The following GLB1 variants were observed in gnomAD, a reference collection of about 807,000 sequenced individuals.
GLB1 encodes beta-galactosidase.
In GLB1, 56 loss-of-function variants were observed where a neutral mutation model predicts 74.0. That is an observed-to-expected ratio of 0.76 (90% CI 0.61 to 0.94). The LOEUF (loss-of-function observed/expected upper bound fraction) is 0.94. GLB1 is among the 40% of genes least tolerant of loss of function. The pLI is 0.00. For synonymous variants in GLB1, 323 were observed against 323.6 expected (o/e 1.00, Z 0.02); for missense variants, 787 against 845.5 (o/e 0.93, Z 0.86).
chr3:33,006,491 T>A (rs556972447), intron 15 of GLB1, among the ~76,000 whole-genome samples: 4 of 151,288 alleles, frequency 2.6e-5, no homozygotes, highest in Non-Finnish European at 5.9e-5. Context: ...ACCAACAAGG[T>A]TGGGGACCAC....
chr3:32,981,326 G>T, the GLB1 span, among the ~76,000 whole-genome samples: 4 of 149,906 alleles, frequency 2.7e-5, no homozygotes, highest in Non-Finnish European at 5.9e-5. Context: ...CTTGAACCCG[G>T]GAGGTGGAGG....
chr3:32,987,135 C>T, the GLB1 span, among the ~76,000 whole-genome samples: 1 of 152,166 alleles, frequency 6.6e-6, no homozygotes, highest in African/African-American at 2.4e-5. Context: ...CTAGTCCTCC[C>T]CTCCCACCAG....
chr3:32,985,041 G>C, the GLB1 span, among the ~76,000 whole-genome samples: 2 of 149,640 alleles, frequency 1.3e-5, no homozygotes, highest in Non-Finnish European at 3.0e-5. Context: ...GGAGGTTGAG[G>C]CTGCAGTGAG....
At chr3:33,086,156 T>C (rs905756969) in intron 1 of GLB1, among the ~76,000 whole-genome samples, 1 of 152,172 alleles carries the variant, frequency 6.6e-6, no homozygotes, top group Non-Finnish European at 1.5e-5. Flanking sequence ...GATGTAACAC[T>C]TTGATGAACT....
the GLB1 span, among the ~76,000 whole-genome samples, chr3:32,989,929 C>T: frequency 1.3e-5 from 2 of 152,204 alleles, no homozygotes; most frequent in Non-Finnish European, 2.9e-5. Flanking sequence ...AAAAATAACA[C>T]ATTAAAACCA....
intron 5 of GLB1, 115 bp downstream of exon 5, chr3:33,065,348 A>G (rs1286183695): frequency 8.8e-6 from 12 of 1,358,752 alleles, no homozygotes; most frequent in Non-Finnish European, 1.2e-5. Flanking sequence ...CTGTGGCATT[A>G]CCTCTTAAAG....
At chr3:33,077,351 C>G in intron 1 of GLB1, 1 of 1,467,486 alleles carries the variant, frequency 6.8e-7, no homozygotes, top group Non-Finnish European at 9.4e-7. Context: ...CTGTTGTGAA[C>G]GATAGGGATG....
chr3:33,075,570 C>T (rs1700074434), intron 1 of GLB1, among the ~76,000 whole-genome samples: 1 of 152,168 alleles, frequency 6.6e-6, no homozygotes, highest in Non-Finnish European at 1.5e-5. Context: ...GAGCTTCCAT[C>T]TAGCCTAGAA....
intron 15 of GLB1, 72 bp from the exon 16 acceptor site, chr3:32,997,416 T>G: frequency 1.3e-6 from 2 of 1,597,392 alleles, no homozygotes; most frequent in South Asian, 1.1e-5. Context: ...GGGGCCCTGA[T>G]GTAGGGCAGG....
At chr3:33,009,184 G>C (rs527660214) in intron 15 of GLB1, among the ~76,000 whole-genome samples, 1 of 148,368 alleles carries the variant, frequency 6.7e-6, no homozygotes, top group African/African-American at 2.4e-5. Flanking sequence ...CCTAGGCTTG[G>C]TAGAGGAAGA....
intron 15 of GLB1, 79 bp downstream of exon 15, chr3:33,013,977 G>A: frequency 6.2e-7 from 1 of 1,610,418 alleles, no homozygotes; most frequent in Non-Finnish European, 8.5e-7. Context: ...CTCACTAACA[G>A]CTCTTTGTGA....
chr3:33,085,166 T>A (rs1359963652), intron 1 of GLB1, among the ~76,000 whole-genome samples: 1 of 149,202 alleles, frequency 6.7e-6, no homozygotes, highest in African/African-American at 2.5e-5. Flanking sequence ...CCCAACTACT[T>A]GGGAGGCTGA....
At chr3:32,967,468 G>T in the GLB1 span, among the ~76,000 whole-genome samples, 1 of 152,228 alleles carries the variant, frequency 6.6e-6, no homozygotes, top group Non-Finnish European at 1.5e-5. Flanking sequence ...TAGGGAGGCT[G>T]AGGCAGGAGA....
the GLB1 span, among the ~76,000 whole-genome samples, chr3:32,973,342 T>C: frequency 6.7e-6 from 1 of 149,692 alleles, no homozygotes; most frequent in Non-Finnish European, 1.5e-5. Context: ...CATAATTGCA[T>C]TTTTTTTTTG....
At chr3:32,999,088 G>A (rs1696437226) in intron 15 of GLB1, among the ~76,000 whole-genome samples, 1 of 152,184 alleles carries the variant, frequency 6.6e-6, no homozygotes, top group African/African-American at 2.4e-5. Flanking sequence ...AGATGTTGGT[G>A]TTCCAATGCC....
At chr3:32,971,456 C>T in the GLB1 span, among the ~76,000 whole-genome samples, 9 of 152,336 alleles carry the variant, frequency 5.9e-5, no homozygotes, top group South Asian at 1.5e-3. Flanking sequence ...GAAAACATAG[C>T]TGGCAGCTTA....
chr3:33,008,190 A>T (rs1348783197), intron 15 of GLB1, among the ~76,000 whole-genome samples: 2 of 152,148 alleles, frequency 1.3e-5, no homozygotes, highest in Non-Finnish European at 2.9e-5. Flanking sequence ...GGGGAGAAAA[A>T]GAGGGATCGA....
At chr3:33,066,489 A>G (rs1375775882) in intron 4 of GLB1, among the ~76,000 whole-genome samples, 1 of 152,188 alleles carries the variant, frequency 6.6e-6, no homozygotes, top group Non-Finnish European at 1.5e-5. Context: ...CACCAGATAT[A>G]GCCCCTCCAC....
intron 9 of GLB1, among the ~76,000 whole-genome samples, chr3:33,049,565 C>T (rs780349664): frequency 4.6e-5 from 7 of 152,124 alleles, no homozygotes; most frequent in Admixed American, 1.3e-4. Context: ...TACAGGTGAG[C>T]GCCACCACAA....
Sources: gnomAD v4.1 joint callset for allele counts (sites outside exome capture counted in the v4.1 genomes callset) on GRCh38, gnomAD v4.1.1 for gene constraint, MANE v1.5 for transcripts, NCBI Gene and HGNC (gene_info 2026-07-23, HGNC 2026-07-21) for gene names.